The following CDH13 variants were observed in gnomAD, a reference collection of about 807,000 sequenced individuals.
The protein encoded by CDH13 is cadherin-13.
Under a neutral mutation model 63.8 loss-of-function variants are expected in CDH13, and 24 were observed. The observed-to-expected ratio is 0.38, with a 90% CI of 0.27 to 0.53. CDH13 has a LOEUF of 0.53. Among genes scored for constraint, CDH13 ranks in the 20% least tolerant of loss-of-function variants. The pLI is 0.85. For synonymous variants in CDH13, 503 were observed against 355.3 expected (o/e 1.42, Z -4.67); for missense variants, 1,049 against 903.1 (o/e 1.16, Z -2.07).
intron 6 of CDH13, among the ~76,000 whole-genome samples, chr16:83,441,397 T>C (rs1204085002): frequency 6.6e-6 from 1 of 152,254 alleles, no homozygotes; most frequent in Non-Finnish European, 1.5e-5. Flanking sequence ...TCTATATCTA[T>C]GTTAAATGTA....
intron 1 of CDH13, among the ~76,000 whole-genome samples, chr16:82,724,797 G>T (rs970024853): frequency 1.4e-4 from 22 of 152,144 alleles, no homozygotes; most frequent in African/African-American, 4.3e-4. Context: ...ACAAACAGGG[G>T]AGCCAGGGAC....
At chr16:83,049,449 C>T (rs2030037870) in intron 3 of CDH13, among the ~76,000 whole-genome samples, 1 of 151,474 alleles carries the variant, frequency 6.6e-6, no homozygotes, top group Non-Finnish European at 1.5e-5. Context: ...ATTCTCCTGC[C>T]TCATCCTCCC....
intron 1 of CDH13, among the ~76,000 whole-genome samples, chr16:82,636,838 T>A (rs1908714851): frequency 6.6e-6 from 1 of 152,212 alleles, no homozygotes; most frequent in South Asian, 2.1e-4. Flanking sequence ...TCATGGGCAA[T>A]TTGAATCTGC....
At chr16:83,469,796 C>T (rs776762009) in intron 6 of CDH13, among the ~76,000 whole-genome samples, 23 of 152,054 alleles carry the variant, frequency 1.5e-4, no homozygotes, top group Non-Finnish European at 3.4e-4. Context: ...TTCTTTCCTG[C>T]GGTGGGGGAT....
At chr16:83,094,331 T>C (rs959139838) in intron 3 of CDH13, among the ~76,000 whole-genome samples, 2 of 152,150 alleles carry the variant, frequency 1.3e-5, no homozygotes, top group African/African-American at 4.8e-5. Context: ...CTTTGGGAAA[T>C]GTTCTCAGGA....
In CDH13 at chr16:83,039,956, T is replaced by A. The variant is rs559678851; in HGVS notation, c.366+7738T>A. ...TGAATATCCCCCAGCTGGCTAGGTG[T>A]TCTTTCTCCAGGCTCCTGTAGACAC... On this transcript the variant is annotated intron_variant, in intron 3 of 13. Coordinates refer to ENST00000567109, the MANE Select transcript of CDH13 (RefSeq NM_001257.5). 7.2e-5 allele frequency among the ~76,000 whole-genome samples: 11 copies of A among 152,034 alleles called. No individual in the cohort carries two copies. The East Asian group carries it at 2.2e-3, about 30-fold the overall frequency.
chr16:83,434,952 A>AATATATAAATATATTTTATTTATATATAT (rs2072247033), intron 6 of CDH13, among the ~76,000 whole-genome samples: 5 of 62,860 alleles, frequency 8.0e-5, no homozygotes, highest in Admixed American at 1.5e-4. Flanking sequence ...TTTATATATA[A>AATATATAAATATATTTTATTTATATATAT]AACATAGGGG....
At chr16:83,513,356 G>A (rs2074619469) in intron 7 of CDH13, among the ~76,000 whole-genome samples, 1 of 152,118 alleles carries the variant, frequency 6.6e-6, no homozygotes, top group Non-Finnish European at 1.5e-5. Flanking sequence ...AACGTCCTTA[G>A]ATCCCTTAGA....
intron 5 of CDH13, among the ~76,000 whole-genome samples, chr16:83,260,118 A>G (rs1351449836): frequency 2.7e-4 from 40 of 149,198 alleles, no homozygotes; most frequent in Middle Eastern, 6.8e-3. Context: ...ACACACACAC[A>G]CACACACACA....
chr16:83,770,644 C>G (rs1422077002), intron 11 of CDH13, among the ~76,000 whole-genome samples: 1 of 152,212 alleles, frequency 6.6e-6, no homozygotes, highest in Non-Finnish European at 1.5e-5. Flanking sequence ...ATATGCTAAA[C>G]AAGGGGTGGA....
chr16:83,197,053 G>T (rs898282807), intron 4 of CDH13, among the ~76,000 whole-genome samples: 5 of 152,160 alleles, frequency 3.3e-5, no homozygotes, highest in Admixed American at 6.5e-5. Context: ...CCTTCAACAT[G>T]TGAATGGTTA....
intron 2 of CDH13, among the ~76,000 whole-genome samples, chr16:82,910,500 C>A (rs1003481718): frequency 3.3e-5 from 5 of 152,060 alleles, no homozygotes; most frequent in African/African-American, 1.2e-4. Flanking sequence ...TAAATATCTT[C>A]CCCAGACAAA....
intron 2 of CDH13, among the ~76,000 whole-genome samples, chr16:83,011,080 G>T (rs1410510411): frequency 1.3e-5 from 2 of 152,124 alleles, no homozygotes; most frequent in Non-Finnish European, 2.9e-5. Context: ...TCTGTTTCAT[G>T]CTCATGGAAC....
At chr16:83,196,629 A>G (rs549521368) in intron 4 of CDH13, among the ~76,000 whole-genome samples, 149 of 152,334 alleles carry the variant, frequency 9.8e-4, no homozygotes, top group Non-Finnish European at 1.7e-3. Flanking sequence ...TTGACAAAAG[A>G]CATAAACAGA....
intron 2 of CDH13, chr16:82,858,772 A>T: frequency 2.2e-6 from 1 of 463,292 alleles, no homozygotes; most frequent in Non-Finnish European, 3.8e-6. Context: ...AAGGAAATGA[A>T]ATTCATTTCC....
At chr16:83,486,772 G>C in intron 7 of CDH13, 117 bp downstream of exon 7, 1 of 896,680 alleles carries the variant, frequency 1.1e-6, no homozygotes, top group South Asian at 1.7e-5. Context: ...CAGAAATGAG[G>C]TGTTTACCAT....
intron 7 of CDH13, among the ~76,000 whole-genome samples, chr16:83,513,362 T>C (rs767112034): frequency 2.0e-5 from 3 of 152,150 alleles, no homozygotes; most frequent in Non-Finnish European, 4.4e-5. Flanking sequence ...CTTAGATCCC[T>C]TAGATCAATG....
chr16:82,750,268 C>T (rs2034355579), intron 1 of CDH13, among the ~76,000 whole-genome samples: 1 of 152,126 alleles, frequency 6.6e-6, no homozygotes, highest in Non-Finnish European at 1.5e-5. Context: ...AAACAAGCCA[C>T]ATCCTGACTA....
intron 11 of CDH13, chr16:83,772,857 C>T (rs1914847627): frequency 6.6e-6 from 1 of 152,242 alleles, no homozygotes. Flanking sequence ...TTGCCAACAT[C>T]TGAACATGTC....
Sources: allele counts gnomAD v4.1 joint callset (sites outside exome capture counted in the v4.1 genomes callset), GRCh38; gene constraint gnomAD v4.1.1; transcripts MANE v1.5; gene names NCBI Gene and HGNC (gene_info 2026-07-23, HGNC 2026-07-21).